The following PSD3 variants were observed in gnomAD, a reference collection of about 807,000 sequenced individuals.
PSD3 encodes the protein PH and SEC7 domain-containing protein 3.
Under a neutral mutation model 105.5 loss-of-function variants are expected in PSD3, and 49 were observed. The ratio of observed to expected loss-of-function variants is 0.46; its 90% CI spans 0.37 to 0.59. The LOEUF (loss-of-function observed/expected upper bound fraction) is 0.59. Ranked by LOEUF, PSD3 falls within the 20% of genes least tolerant of loss-of-function variation. The pLI is 0.00. For missense variants in PSD3, 1,561 were observed against 1,263.8 expected, an observed-to-expected ratio of 1.24 and a Z score of -3.57; for synonymous variants, 557 against 457.8, an observed-to-expected ratio of 1.22 and a Z score of -2.77.
chr8:18,902,869 C>T (rs1819597969), intron 2 of PSD3, among the ~76,000 whole-genome samples: 1 of 152,136 alleles, frequency 6.6e-6, no homozygotes, highest in Non-Finnish European at 1.5e-5. Context: ...TGTCTTCAGT[C>T]CTCCTATTCT....
chr8:18,929,922 C>A (rs1314862466), intron 2 of PSD3, among the ~76,000 whole-genome samples: 1 of 152,050 alleles, frequency 6.6e-6, no homozygotes, highest in Non-Finnish European at 1.5e-5. Context: ...GGAAAGAACT[C>A]TTGAAACTAT....
chr8:19,067,628 C>T (rs1453744277), intron 1 of PSD3, among the ~76,000 whole-genome samples: 1 of 152,152 alleles, frequency 6.6e-6, no homozygotes, highest in Non-Finnish European at 1.5e-5. Flanking sequence ...CCCAGGGTGT[C>T]ACAAGCCAGC....
chr8:18,841,899 T>C (rs1043154497), intron 4 of PSD3, among the ~76,000 whole-genome samples: 2 of 152,082 alleles, frequency 1.3e-5, no homozygotes, highest in African/African-American at 4.8e-5. Context: ...AAAACTAGAC[T>C]TTTGATATAA....
intron 9 of PSD3, among the ~76,000 whole-genome samples, chr8:18,665,227 C>G (rs1380534656): frequency 6.6e-6 from 1 of 152,174 alleles, no homozygotes; most frequent in Non-Finnish European, 1.5e-5. Flanking sequence ...AAGGATTCAC[C>G]ATTTTGGATG....
chr8:18,771,384 G>A (rs564065581), intron 8 of PSD3, among the ~76,000 whole-genome samples: 3 of 152,230 alleles, frequency 2.0e-5, no homozygotes, highest in African/African-American at 7.2e-5. Flanking sequence ...GTTTACCTGT[G>A]TTTTATTTTC....
chr8:19,024,993 C>T (rs1827493207), intron 1 of PSD3, among the ~76,000 whole-genome samples: 1 of 152,106 alleles, frequency 6.6e-6, no homozygotes, highest in Admixed American at 6.6e-5. Context: ...CACAGTGAGA[C>T]AGGATAGTCA....
rs146265875 is a variant in PSD3, at chr8:18,821,558, GAAT to G, written c.1635-16663_1635-16661del. 9.3e-3 allele frequency among the ~76,000 whole-genome samples: 1,407 copies of G among 152,088 alleles called. 19 individuals carry two copies. Among genetic ancestry groups the G allele is most frequent in the African/African-American group, 0.032 (1,332 of 41,476 alleles). On this transcript the variant is annotated intron_variant, in intron 4 of 15. Transcript: ENST00000327040. The stretch of plus-strand genomic sequence containing the variant: ...CTCTTGAGTTTTTCCTAACAAAACT[GAAT>G]AATATTGTTTCTCATTTGTGACCAG...
intron 4 of PSD3, among the ~76,000 whole-genome samples, chr8:18,818,118 T>C (rs1812374178): frequency 6.6e-6 from 1 of 152,064 alleles, no homozygotes; most frequent in Admixed American, 6.6e-5. Context: ...TACGCTTGGC[T>C]AATTTTTTTC....
At chr8:18,734,665 T>A (rs7821713) in intron 9 of PSD3, among the ~76,000 whole-genome samples, 38 of 152,156 alleles carry the variant, frequency 2.5e-4, no homozygotes, top group African/African-American at 9.2e-4. Context: ...CTAAAAGCAA[T>A]GAATGTACAG....
chr8:18,751,405 GAA>G (rs1304573450), intron 9 of PSD3, among the ~76,000 whole-genome samples: 2 of 152,260 alleles, frequency 1.3e-5, no homozygotes, highest in Non-Finnish European at 2.9e-5. Flanking sequence ...GAACATGACA[GAA>G]AAAGAGAACA....
At chr8:18,695,769 T>C (rs1801222765) in intron 9 of PSD3, among the ~76,000 whole-genome samples, 1 of 152,188 alleles carries the variant, frequency 6.6e-6, no homozygotes, top group Admixed American at 6.5e-5. Flanking sequence ...CACAGTTCTT[T>C]TCCAAGGACT....
chr8:18,759,258 C>G (rs1371886114), intron 9 of PSD3, among the ~76,000 whole-genome samples: 2 of 152,040 alleles, frequency 1.3e-5, no homozygotes, highest in Non-Finnish European at 2.9e-5. Context: ...TAATAGCAAG[C>G]AATAACCTAA....
At chr8:18,901,398 G>T (rs1819493486) in intron 2 of PSD3, among the ~76,000 whole-genome samples, 1 of 152,188 alleles carries the variant, frequency 6.6e-6, no homozygotes, top group Non-Finnish European at 1.5e-5. Context: ...TATCTTTTAA[G>T]TGGAGAATTT....
intron 8 of PSD3, among the ~76,000 whole-genome samples, chr8:18,780,854 C>G (rs335235): frequency 0.95 from 144,394 of 152,254 alleles, 68,640 homozygotes; most frequent in Non-Finnish European, 0.97. Flanking sequence ...GCGCCTGGCC[C>G]AGAGTTTTAT....
At chr8:18,694,500 C>T (rs1388531898) in intron 9 of PSD3, among the ~76,000 whole-genome samples, 2 of 151,786 alleles carry the variant, frequency 1.3e-5, no homozygotes, top group Admixed American at 1.3e-4. Context: ...GTCCCAGCTA[C>T]TTGGGAGGCT....
In PSD3 at chr8:19,013,648, G is replaced by A; in HGVS notation, c.-65C>T. On this transcript the variant is annotated 5_prime_UTR_variant, in exon 1 of 16. Coordinates refer to ENST00000327040, the MANE Select transcript of PSD3 (RefSeq NM_015310.4). ...GGGCGCTCCGGGGCCGCAGCCTCAG[G>A]GCGCGAGTGCCGGCGGCCAGCGCCG... 4 of 1,248,546 alleles carry A rather than the reference G, an allele frequency of 3.2e-6. No homozygotes were observed. Among genetic ancestry groups the A allele is most frequent in the Non-Finnish European group, 3.0e-6 (3 of 1,000,160 alleles). 77.3% of individuals were successfully genotyped at this position (1,248,546 alleles called of 1,614,324 possible).
chr8:18,973,324 G>A (rs1421330443), intron 1 of PSD3, among the ~76,000 whole-genome samples: 5 of 152,212 alleles, frequency 3.3e-5, no homozygotes, highest in African/African-American at 1.2e-4. Flanking sequence ...ACAGAAGACT[G>A]AGTGGCTTAA....
intron 1 of PSD3, among the ~76,000 whole-genome samples, chr8:19,066,456 T>C (rs1259067856): frequency 6.6e-6 from 1 of 152,252 alleles, no homozygotes; most frequent in Non-Finnish European, 1.5e-5. Context: ...GGTCAACCAA[T>C]AAATGCCCTC....
In PSD3 at chr8:18,584,193, G is replaced by C. The variant is rs148170529; in HGVS notation, c.2482-8908C>G. Among the ~76,000 whole-genome samples the C allele has an allele frequency of 8.6e-4, 131 of 152,306 alleles. 1 individual carries two copies. The highest frequency in any genetic ancestry group is 3.0e-3 in the African/African-American group (126 of 41,562). On this transcript the variant is annotated intron_variant, in intron 12 of 15. Transcript: ENST00000327040. The stretch of plus-strand genomic sequence containing the variant: ...AAAGAGTGGAAAGTCTCATATCCCA[G>C]TGAAAGAGTGGCTGGAGCCAGGCAA...
Sources: allele counts gnomAD v4.1 joint callset (sites outside exome capture counted in the v4.1 genomes callset), GRCh38; gene constraint gnomAD v4.1.1; transcripts MANE v1.5; gene names NCBI Gene and HGNC (gene_info 2026-07-23, HGNC 2026-07-21).